Variants in LRIG1 observed in about 807,000 individuals in gnomAD.
LRIG1 encodes the protein leucine rich repeats and immunoglobulin like domains 1, also known as leucine-rich repeats and immunoglobulin-like domains protein 1.
LRIG1 carries 48 observed loss-of-function variants against 99.2 expected under a neutral mutation model. The ratio of observed to expected loss-of-function variants is 0.48; its 90% CI spans 0.38 to 0.62. LRIG1 has a LOEUF of 0.62. Among genes scored for constraint, LRIG1 ranks in the 20% least tolerant of loss-of-function variants. The pLI is 0.00. For missense variants in LRIG1, 1,646 were observed against 1,434.4 expected, an observed-to-expected ratio of 1.15 and a Z score of -2.38; for synonymous variants, 772 against 596.1, an observed-to-expected ratio of 1.29 and a Z score of -4.30.
chr3:66,380,066 C>T lies in LRIG1; in HGVS notation c.*197G>A, dbSNP rs1700942657. On this transcript the variant is annotated 3_prime_UTR_variant, in exon 19 of 19. Coordinates refer to ENST00000273261, the MANE Select transcript of LRIG1 (RefSeq NM_015541.3). ...CTCTTATGTACAATGATATCAAATA[C>T]TTTTTTTGCCTTTTGTACACAAATC... is the stretch of plus-strand genomic sequence containing the variant. The T allele has an allele frequency of 2.0e-6, 1 of 506,830 alleles. No individual in the cohort carries two copies. Among genetic ancestry groups the T allele is most frequent in the Non-Finnish European group, 3.5e-6 (1 of 286,768 alleles). 31.4% of individuals were successfully genotyped at this position (506,830 alleles called of 1,614,324 possible). A position where few individuals can be genotyped will look rare whatever the true frequency, so the allele number is the denominator to read the frequency against.
chr3:66,394,352 C>G, intron 11 of LRIG1, 149 bp from the exon 12 acceptor site: 1 of 702,628 alleles, frequency 1.4e-6, no homozygotes, highest in Non-Finnish European at 2.3e-6. Flanking sequence ...CACACTTCCT[C>G]TCCAATTTCC....
chr3:66,448,120 T>C (rs1179200683), intron 3 of LRIG1, among the ~76,000 whole-genome samples: 2 of 152,352 alleles, frequency 1.3e-5, no homozygotes, highest in East Asian at 1.9e-4. Context: ...TTGACAAATA[T>C]GTTAACTGAA....
At chr3:66,400,822 GACTGCA>G (rs1702023691) in intron 9 of LRIG1, among the ~76,000 whole-genome samples, 1 of 152,204 alleles carries the variant, frequency 6.6e-6, no homozygotes, top group Admixed American at 6.5e-5. Flanking sequence ...GCTTCTTCCT[GACTGCA>G]ACAGGCCTCC....
intron 1 of LRIG1, among the ~76,000 whole-genome samples, chr3:66,472,351 C>A (rs1700621504): frequency 7.0e-6 from 1 of 142,766 alleles, no homozygotes; most frequent in Non-Finnish European, 1.5e-5. Context: ...TTCGGATGGT[C>A]ACAGGAAAGA....
In LRIG1 at chr3:66,383,270, G is replaced by C. The variant is rs779121375; in HGVS notation, c.2203C>G (p.Leu735Val). 6.2e-7 allele frequency: 1 copy of C among 1,613,922 alleles called. No individual in the cohort carries two copies. The highest frequency in any genetic ancestry group is 1.1e-5 in the South Asian group (1 of 91,080). The change falls in exon 15 of 19, where the codon CTC (leucine) becomes GTC (valine). Residue 735 changes from leucine (L) to valine (V), a missense_variant. Coordinates refer to ENST00000273261, the MANE Select transcript of LRIG1 (RefSeq NM_015541.3). ...GGGGTCAAGTGGTGCCGCTCAGTGA[G>C]GCTCAGCGGGCGGTCCCCCTTGAAC... ...TWFKGDRPLS[L>V]TERHHLTPDN...
At chr3:66,448,858 G>A (rs867079290) in intron 3 of LRIG1, among the ~76,000 whole-genome samples, 3 of 152,182 alleles carry the variant, frequency 2.0e-5, no homozygotes, top group Non-Finnish European at 4.4e-5. Flanking sequence ...ATTTTCAGAC[G>A]ATGTGTTGAG....
intron 1 of LRIG1, among the ~76,000 whole-genome samples, chr3:66,478,493 G>C (rs1700775349): frequency 6.6e-6 from 1 of 152,156 alleles, no homozygotes; most frequent in Admixed American, 6.5e-5. Context: ...CGTGCCAGGA[G>C]GACCACACAG....
At chr3:66,468,199 G>T (rs1399170587) in intron 1 of LRIG1, among the ~76,000 whole-genome samples, 1 of 152,104 alleles carries the variant, frequency 6.6e-6, no homozygotes, top group Non-Finnish European at 1.5e-5. Flanking sequence ...GAAGTTGAGG[G>T]ATAAAAAGTT....
chr3:66,388,020 T>C (rs1701462093), intron 12 of LRIG1: 2 of 132,362 alleles, frequency 1.5e-5, no homozygotes, highest in Admixed American at 9.3e-5. Context: ...GGCAGGAGAA[T>C]GGCATGAACC....
At position 66,383,194 on chromosome 3, in the gene LRIG1, C is replaced by A; in HGVS notation, c.2279G>T (p.Arg760Leu). 2 of 1,614,226 alleles carry A rather than the reference C, an allele frequency of 1.2e-6. No individual in the cohort carries two copies. The highest frequency in any genetic ancestry group is 1.1e-5 in the South Asian group (1 of 91,084). Reference protein sequence around the residue: ...VQNVVAEDAGRYTCEMSNTLG... With the variant: ...VQNVVAEDAGLYTCEMSNTLG... ...GGTGTTGGACATCTCACAGGTATAT[C>A]GGCCCGCATCCTCTGCCACCACGTT... The change falls in exon 15 of 19, where the codon CGA (arginine) becomes CTA (leucine). Residue 760 changes from arginine to leucine, a missense_variant. Transcript: ENST00000273261.
intron 13 of LRIG1, among the ~76,000 whole-genome samples, chr3:66,384,476 G>A (rs1211473512): frequency 6.6e-6 from 1 of 152,150 alleles, no homozygotes; most frequent in Non-Finnish European, 1.5e-5. Context: ...CATCCCATCA[G>A]CCTTGCATTG....
chr3:66,470,962 G>T (rs1387846980), intron 1 of LRIG1, among the ~76,000 whole-genome samples: 7 of 152,184 alleles, frequency 4.6e-5, no homozygotes, highest in Admixed American at 4.6e-4. Context: ...ATAGTCTCTT[G>T]TTAATATGGT....
intron 2 of LRIG1, among the ~76,000 whole-genome samples, chr3:66,452,078 G>A (rs1296943692): frequency 6.6e-6 from 1 of 152,190 alleles, no homozygotes; most frequent in Non-Finnish European, 1.5e-5. Context: ...GTTCTGAGGG[G>A]CTTGGGACAC....
chr3:66,403,735 A>G (rs1702152449), intron 9 of LRIG1, among the ~76,000 whole-genome samples: 1 of 152,226 alleles, frequency 6.6e-6, no homozygotes, highest in Admixed American at 6.5e-5. Context: ...CCTGGAAGCC[A>G]TGACACCCAG....
chr3:66,450,269 C>A (rs892560709), intron 3 of LRIG1, among the ~76,000 whole-genome samples: 3 of 152,100 alleles, frequency 2.0e-5, no homozygotes, highest in Non-Finnish European at 4.4e-5. Flanking sequence ...TGCCAAGATC[C>A]AAGGAGCTAC....
In LRIG1 at chr3:66,414,120, G is replaced by A. The variant is rs1359616507; in HGVS notation, c.647+800C>T. Among the ~76,000 whole-genome samples, 4 of 152,092 alleles carry A rather than the reference G, an allele frequency of 2.6e-5. No homozygotes were observed. The South Asian group carries it at 6.2e-4, about 24-fold the overall frequency. ...TGTTTACAAAAATAATAAATCGGCC[G>A]GGTGCGGTGGCTCATGCCTGTAATC... On this transcript the variant is annotated intron_variant, in intron 5 of 18. Coordinates refer to ENST00000273261, the MANE Select transcript of LRIG1 (RefSeq NM_015541.3).
At chr3:66,489,684 T>G (rs540322786) in intron 1 of LRIG1, among the ~76,000 whole-genome samples, 61 of 152,248 alleles carry the variant, frequency 4.0e-4, no homozygotes, top group African/African-American at 1.4e-3. Context: ...AACCTAAAAA[T>G]GAGGGGTCTT....
chr3:66,407,332 G>T lies in LRIG1; in HGVS notation c.1079+16C>A. The T allele has an allele frequency of 6.2e-7, 1 of 1,613,960 alleles. No individual in the cohort carries two copies. Among genetic ancestry groups the T allele is most frequent in the South Asian group, 1.1e-5 (1 of 91,076 alleles). On this transcript the variant is annotated intron_variant, in intron 8 of 18. Coordinates refer to ENST00000273261, the MANE Select transcript of LRIG1 (RefSeq NM_015541.3). ...CACTGGGGACCCCTTTATCCTGTCA[G>T]TAGTGGGAGACGTACAAGACTCGCA...
At chr3:66,389,751 T>C (rs561309836) in intron 12 of LRIG1, among the ~76,000 whole-genome samples, 155 of 152,266 alleles carry the variant, frequency 1.0e-3, no homozygotes, top group African/African-American at 3.2e-3. Flanking sequence ...CAACAACGGA[T>C]AGAACTAGTC....
Sources: allele counts gnomAD v4.1 joint callset (sites outside exome capture counted in the v4.1 genomes callset), GRCh38; gene constraint gnomAD v4.1.1; transcripts MANE v1.5; gene names NCBI Gene and HGNC (gene_info 2026-07-23, HGNC 2026-07-21).